The following KDM2A variants were observed in gnomAD, a reference collection of about 807,000 sequenced individuals.
KDM2A encodes lysine-specific demethylase 2A.
Under a neutral mutation model 137.3 loss-of-function variants are expected in KDM2A, and 3 were observed. The observed-to-expected ratio is 0.02, with a 90% CI of 0.01 to 0.06. The LOEUF is 0.06. KDM2A is among the 10% of genes least tolerant of loss of function. The probability of loss-of-function intolerance (pLI) is 1.00; values close to 1 mark genes in which losing one functional copy is unlikely to be tolerated. For synonymous variants in KDM2A, 512 were observed against 541.5 expected, an observed-to-expected ratio of 0.95 and a Z score of 0.76; for missense variants, 738 against 1,510.6, an observed-to-expected ratio of 0.49 and a Z score of 8.48.
At position 67,254,559 on chromosome 11, in the gene KDM2A, G is replaced by T. The variant is rs1172675551; in HGVS notation, c.3307+141G>T. 3 of 758,852 alleles carry T rather than the reference G, an allele frequency of 4.0e-6. No homozygotes were observed. The highest frequency in any genetic ancestry group is 6.6e-6 in the Non-Finnish European group (3 of 455,376). 47.0% of individuals were successfully genotyped at this position (758,852 alleles called of 1,614,324 possible). A position where few individuals can be genotyped will look rare whatever the true frequency, so the allele number is the denominator to read the frequency against. On this transcript the variant is annotated intron_variant, in intron 20 of 20. Transcript: ENST00000529006. This position sits in a 1 kb window ranked among gnomAD's most constrained non-coding sequence, Gnocchi z 4.7. ...TTCTTCACATCTGGACAAGGACATGGATTTCTATCCCTTTTTTAACTGATG... is the reference window on the plus strand; with the variant it reads ...TTCTTCACATCTGGACAAGGACATGTATTTCTATCCCTTTTTTAACTGATG...
At chr11:67,139,258 C>A (rs1039227759) in intron 2 of KDM2A, among the ~76,000 whole-genome samples, 1 of 144,910 alleles carries the variant, frequency 6.9e-6, no homozygotes, top group African/African-American at 2.5e-5. Flanking sequence ...TTTCTTTTTT[C>A]TTTTGAGACG....
At chr11:67,217,525 T>G (rs539730847) in intron 8 of KDM2A, 1 of 578,964 alleles carries the variant, frequency 1.7e-6, no homozygotes, top group East Asian at 3.0e-5. Flanking sequence ...AGGGAAGCCT[T>G]AATGCTGTTG....
intron 6 of KDM2A, among the ~76,000 whole-genome samples, chr11:67,214,783 T>C (rs531049744): frequency 2.1e-4 from 32 of 152,228 alleles, no homozygotes; most frequent in Non-Finnish European, 4.1e-4. Flanking sequence ...ATCTTAGTTT[T>C]ATAGATGAGT....
chr11:67,205,386 C>T (rs1001828618), intron 5 of KDM2A, among the ~76,000 whole-genome samples: 1 of 152,094 alleles, frequency 6.6e-6, no homozygotes. Flanking sequence ...CTATCTTTAA[C>T]TAAGCTATAA....
intron 2 of KDM2A, among the ~76,000 whole-genome samples, chr11:67,123,823 C>A (rs530183714): frequency 7.2e-5 from 11 of 152,190 alleles, no homozygotes; most frequent in African/African-American, 2.4e-4. Context: ...ATTACAGGTG[C>A]CTACCACCAC....
intron 2 of KDM2A, among the ~76,000 whole-genome samples, chr11:67,165,725 G>A (rs1856726349): frequency 6.6e-6 from 1 of 152,118 alleles, no homozygotes; most frequent in African/African-American, 2.4e-5. Flanking sequence ...GAAACAGCAT[G>A]TGTGACAAAT....
chr11:67,189,558 G>C (rs1857295069), intron 5 of KDM2A, among the ~76,000 whole-genome samples: 1 of 152,052 alleles, frequency 6.6e-6, no homozygotes, highest in Non-Finnish European at 1.5e-5. Context: ...ACCTTATCTC[G>C]GCCGGGCGAG....
chr11:67,206,261 A>G (rs1198752854), intron 5 of KDM2A, among the ~76,000 whole-genome samples: 1 of 152,104 alleles, frequency 6.6e-6, no homozygotes, highest in African/African-American at 2.4e-5. Context: ...CAAAACGCTG[A>G]CTTTACCAAA....
At chr11:67,164,521 T>C (rs1434024664) in intron 2 of KDM2A, among the ~76,000 whole-genome samples, 2 of 152,184 alleles carry the variant, frequency 1.3e-5, no homozygotes, top group Non-Finnish European at 2.9e-5. Flanking sequence ...ATTGCTCTTT[T>C]ACCCAGGCTT....
chr11:67,224,497 G>T (rs1272823787), intron 10 of KDM2A, among the ~76,000 whole-genome samples: 2 of 108,702 alleles, frequency 1.8e-5, no homozygotes, highest in African/African-American at 7.5e-5. Flanking sequence ...ACAGAGTCTC[G>T]CTCTGTCCCC....
rs1488351839 is a variant in KDM2A at position 67,253,624 on chromosome 11, C to T, written c.3091+13C>T. 3.7e-6 allele frequency: 6 copies of T among 1,612,942 alleles called. No homozygotes were observed. In the African/African-American group the frequency reaches 6.7e-5, roughly 18 times the overall value. The stretch of plus-strand genomic sequence containing the variant: ...GCTGATAAACCAGGTATGCTCTGGA[C>T]CTGACTTCTCTGTGCTTGTCTTGGG... On this transcript the variant is annotated intron_variant, in intron 19 of 20. Transcript: ENST00000529006.
At chr11:67,237,154 A>T (rs1858895464) in intron 12 of KDM2A, among the ~76,000 whole-genome samples, 1 of 152,202 alleles carries the variant, frequency 6.6e-6, no homozygotes, top group Admixed American at 6.6e-5. Flanking sequence ...TATAAATTGG[A>T]AAATTGTTAT....
intron 2 of KDM2A, among the ~76,000 whole-genome samples, chr11:67,168,392 G>A (rs1056210343): frequency 2.0e-5 from 3 of 151,988 alleles, no homozygotes; most frequent in African/African-American, 7.2e-5. Context: ...TTAATACATA[G>A]CACATTAAAT....
At chr11:67,228,184 A>C (rs1258652380) in intron 11 of KDM2A, 21 bp downstream of exon 11, 1 of 1,611,304 alleles carries the variant, frequency 6.2e-7, no homozygotes, top group Non-Finnish European at 8.5e-7. Context: ...TGCCTATAGG[A>C]GCTTTGAAGA....
In KDM2A at chr11:67,219,388, T is replaced by C. The variant is rs748397968; in HGVS notation, c.942T>C (p.Ile314=). The C allele has an allele frequency of 1.2e-6, 2 of 1,600,342 alleles. No homozygotes were observed. The highest frequency in any genetic ancestry group is 2.2e-5 in the South Asian group (2 of 89,136). Reference sequence around the variant, plus strand: ...CTATGCAGTTAAAAATATACAACATTGAAGATCGGACACGGGTAAGTAATC... The same window carrying C: ...CTATGCAGTTAAAAATATACAACATCGAAGATCGGACACGGGTAAGTAATC... ...NIPMQLKIYN[I]EDRTRVPNKF... is the part of the protein sequence containing the mutation. Residue 314 remains isoleucine, a synonymous_variant, in exon 10 of 21, where the codon ATT becomes ATC. Coordinates refer to ENST00000529006, the MANE Select transcript of KDM2A (RefSeq NM_012308.3).
intron 5 of KDM2A, among the ~76,000 whole-genome samples, chr11:67,200,703 G>A (rs1857598635): frequency 6.6e-6 from 1 of 151,330 alleles, no homozygotes; most frequent in African/African-American, 2.4e-5. Flanking sequence ...GACACAGTTT[G>A]ACCCTGTTAC....
In KDM2A at chr11:67,254,570, C is replaced by CT; in HGVS notation, c.3307+158dup. On this transcript the variant is annotated intron_variant, in intron 20 of 20. Coordinates refer to ENST00000529006, the MANE Select transcript of KDM2A (RefSeq NM_012308.3). The surrounding 1 kb of genome is among the most constrained non-coding windows in gnomAD (Gnocchi z 4.7). ...TGGACAAGGACATGGATTTCTATCC[C>CT]TTTTTTAACTGATGGGGGACTGAGG... 1.4e-6 allele frequency: 1 copy of CT among 715,528 alleles called. No individual in the cohort carries two copies. Among genetic ancestry groups the CT allele is most frequent in the Non-Finnish European group, 2.4e-6 (1 of 424,018 alleles). 44.3% of individuals were successfully genotyped at this position (715,528 alleles called of 1,614,324 possible). A position where few individuals can be genotyped will look rare whatever the true frequency, so the allele number is the denominator to read the frequency against.
chr11:67,208,768 C>CAAA (rs530204253), intron 6 of KDM2A, among the ~76,000 whole-genome samples: 3 of 67,574 alleles, frequency 4.4e-5, no homozygotes, highest in African/African-American at 5.8e-5. Context: ...GACCCTGTCT[C>CAAA]AAAAAAAAAA....
chr11:67,172,255 A>G lies in KDM2A; in HGVS notation c.43-7824A>G, dbSNP rs111273624. 2.9e-3 allele frequency among the ~76,000 whole-genome samples: 441 copies of G among 152,158 alleles called. 2 individuals are homozygous for G. Among genetic ancestry groups the G allele is most frequent in the Non-Finnish European group, 5.6e-3 (379 of 68,006 alleles). On this transcript the variant is annotated intron_variant, in intron 2 of 20. Transcript: ENST00000529006. The stretch of plus-strand genomic sequence containing the variant: ...GTTCTCTTTAAGGATTGTTTTGACT[A>G]TTCTGGTTTGCTGGTATTTCCATAT...
Sources: gnomAD v4.1 joint callset for allele counts (sites outside exome capture counted in the v4.1 genomes callset) on GRCh38, gnomAD v4.1.1 for gene constraint, Gnocchi (gnomAD v3.1) non-coding constraint, MANE v1.5 for transcripts, NCBI Gene and HGNC (gene_info 2026-07-23, HGNC 2026-07-21) for gene names.